Variants in LPIN1 observed in about 807,000 individuals in gnomAD.
LPIN1 encodes the protein lipin 1.
In LPIN1, 71 loss-of-function variants were observed where a neutral mutation model predicts 107.5. That is an observed-to-expected ratio of 0.66 (90% CI 0.55 to 0.80). The LOEUF (loss-of-function observed/expected upper bound fraction) is 0.80, where lower values mean the gene tolerates loss of function less well. Among genes scored for constraint, LPIN1 ranks in the 30% least tolerant of loss-of-function variants. The pLI is 0.00. For synonymous variants in LPIN1, 445 were observed against 452.6 expected, an observed-to-expected ratio of 0.98 and a Z score of 0.21; for missense variants, 1,043 against 1,160.6, an observed-to-expected ratio of 0.90 and a Z score of 1.47.
intron 1 of LPIN1, among the ~76,000 whole-genome samples, chr2:11,704,053 AG>A (rs1392800788): frequency 1.3e-5 from 2 of 152,234 alleles, no homozygotes; most frequent in Non-Finnish European, 2.9e-5. Context: ...AAAGCCTCTC[AG>A]GCTTGGCATC....
At chr2:11,798,297 G>A (rs73915571) in intron 14 of LPIN1, among the ~76,000 whole-genome samples, 75 of 152,302 alleles carry the variant, frequency 4.9e-4, no homozygotes, top group African/African-American at 1.7e-3. Flanking sequence ...GGGCCTGAGG[G>A]TCAGAGAGTT....
At chr2:11,698,412 C>T (rs958346181) in intron 1 of LPIN1, among the ~76,000 whole-genome samples, 1 of 152,156 alleles carries the variant, frequency 6.6e-6, no homozygotes, top group Admixed American at 6.5e-5. Context: ...ACGCCTCTTC[C>T]GGGAAACGTA....
rs1361148971 is a variant in LPIN1 at position 11,765,384 on chromosome 2, G to T, written c.-9-149G>T. On this transcript the variant is annotated intron_variant, in intron 1 of 20. Transcript: ENST00000674199. This position sits in a 1 kb window ranked among gnomAD's most constrained non-coding sequence, Gnocchi z 4.4. ...GCCCTGATGGACCCTGATGGGCTAT[G>T]GGGGTGGATAGAACACATTCCGGAA... The T allele has an allele frequency of 4.2e-6, 3 of 711,494 alleles. No homozygotes were observed. Among genetic ancestry groups the T allele is most frequent in the Middle Eastern group, 3.9e-4 (1 of 2,554 alleles). 44.1% of individuals were successfully genotyped at this position (711,494 alleles called of 1,614,324 possible).
At position 11,786,599 on chromosome 2, in the gene LPIN1, AC is replaced by A. The variant is rs1323959901; in HGVS notation, c.1550-474del. Among the ~76,000 whole-genome samples the A allele has an allele frequency of 1.3e-5, 2 of 152,184 alleles. No homozygotes were observed. The highest frequency in any genetic ancestry group is 3.9e-4 in the East Asian group (2 of 5,176). ...TGAAAGGGCCCTGTGCTTTCTATTT[AC>A]GACATTATCAGTCCCCATGACCACC... On this transcript the variant is annotated intron_variant, in intron 10 of 20. Transcript: ENST00000674199. The surrounding 1 kb of genome is among the most constrained non-coding windows in gnomAD (Gnocchi z 4.1).
chr2:11,800,612 G>A lies in LPIN1; in HGVS notation c.1887-2295G>A, dbSNP rs192553843. On this transcript the variant is annotated intron_variant, in intron 14 of 20. Transcript: ENST00000674199. ...TGTAGAGACAGGTTTTGCCATGTTG[G>A]TGAGGCTGGGGATCACTTCTTAAAT... Among the ~76,000 whole-genome samples, 327 of 152,214 alleles carry A rather than the reference G, an allele frequency of 2.1e-3. 2 individuals are homozygous for A. The highest frequency in any genetic ancestry group is 1.9e-3 in the Non-Finnish European group (127 of 68,012).
At chr2:11,814,141 C>T (rs1399479599) in intron 17 of LPIN1, among the ~76,000 whole-genome samples, 1 of 152,000 alleles carries the variant, frequency 6.6e-6, no homozygotes, top group Non-Finnish European at 1.5e-5. Flanking sequence ...AGGCGAGCTG[C>T]TGTGTCTGGG....
intron 2 of LPIN1, among the ~76,000 whole-genome samples, chr2:11,714,046 G>A (rs897695477): frequency 6.6e-6 from 1 of 152,196 alleles, no homozygotes; most frequent in African/African-American, 2.4e-5. Context: ...TTCCTGAGAT[G>A]AATCCTCCTC....
intron 13 of LPIN1, among the ~76,000 whole-genome samples, chr2:11,793,850 G>A (rs889986645): frequency 6.6e-6 from 1 of 152,214 alleles, no homozygotes; most frequent in Non-Finnish European, 1.5e-5. Context: ...TCATGAGGCA[G>A]AGACCATATA....
chr2:11,784,410 GC>G (rs1204784863), intron 9 of LPIN1: 3 of 1,112,252 alleles, frequency 2.7e-6, no homozygotes, highest in Non-Finnish European at 2.2e-6. Context: ...ACTGGGCGGC[GC>G]CCCACCTCTG....
At chr2:11,785,269 T>C (rs1427029620) in intron 10 of LPIN1, among the ~76,000 whole-genome samples, 193 bp downstream of exon 10, 1 of 152,212 alleles carries the variant, frequency 6.6e-6, no homozygotes, top group Non-Finnish European at 1.5e-5. Context: ...GTTCTGTGGG[T>C]CACCCATGGC....
At chr2:11,759,833 C>A (rs553784576) in intron 1 of LPIN1, among the ~76,000 whole-genome samples, 1 of 146,740 alleles carries the variant, frequency 6.8e-6, no homozygotes, top group East Asian at 2.1e-4. Flanking sequence ...ACCTCCCTCC[C>A]GGACGGGGCG....
At position 11,804,514 on chromosome 2, in the gene LPIN1, A is replaced by G. The variant is rs372697054; in HGVS notation, c.2105A>G (p.Tyr702Cys). 6 of 1,614,020 alleles carry G rather than the reference A, an allele frequency of 3.7e-6. No individual in the cohort carries two copies. The African/African-American group carries it at 4.0e-5, about 11-fold the overall frequency. ...QGTCRCEGTI[Y>C]LWNWDDKVII... ...ACGTGCCGCTGTGAGGGCACCATCT[A>G]TCTGTGGAACTGGGATGATAAAGTC... The change falls in exon 16 of 21, where the codon TAT becomes TGT. Residue 702 changes from tyrosine to cysteine, a missense_variant. Tyr to Cys is a radical substitution (Grantham distance 194, BLOSUM62 -2). Transcript: ENST00000674199.
intron 1 of LPIN1, among the ~76,000 whole-genome samples, chr2:11,693,244 G>A (rs73179363): frequency 0.13 from 18,700 of 148,676 alleles, 3,554 homozygotes; most frequent in African/African-American, 0.42. Context: ...CCTAGGTCCA[G>A]CTGAAATTTC....
chr2:11,709,352 C>T (rs886589916), intron 1 of LPIN1, among the ~76,000 whole-genome samples: 4 of 152,164 alleles, frequency 2.6e-5, no homozygotes, highest in African/African-American at 7.2e-5. Flanking sequence ...CTCGAGCCTC[C>T]GTTAGATGGA....
chr2:11,694,269 T>A (rs1662459332), intron 1 of LPIN1, among the ~76,000 whole-genome samples: 1 of 152,144 alleles, frequency 6.6e-6, no homozygotes, highest in African/African-American at 2.4e-5. Flanking sequence ...ACTCCAAGAA[T>A]GTGTGAAGAA....
intron 20 of LPIN1, 23 bp downstream of exon 20, chr2:11,820,537 G>A: frequency 2.0e-6 from 3 of 1,531,262 alleles, no homozygotes; most frequent in Non-Finnish European, 2.7e-6. Context: ...CACATTTTAT[G>A]TGATTATGAT....
In LPIN1 at chr2:11,812,742, G is replaced by T. The variant is rs547616547; in HGVS notation, c.2250-2346G>T. ...ACAGTGAAGGGTTTGGACGACGTCT[G>T]TGAGAGGTTGCAGCCTCAGGAGGGC... is the stretch of plus-strand genomic sequence containing the variant. On this transcript the variant is annotated intron_variant, in intron 17 of 20. Coordinates refer to ENST00000674199, the MANE Select transcript of LPIN1 (RefSeq NM_001349206.2). Among the ~76,000 whole-genome samples the T allele has an allele frequency of 3.3e-5, 5 of 152,320 alleles. No homozygotes were observed. In the South Asian group the frequency reaches 1.0e-3, roughly 32 times the overall value.
At chr2:11,685,742 C>T (rs942500861) in intron 1 of LPIN1, among the ~76,000 whole-genome samples, 1 of 152,174 alleles carries the variant, frequency 6.6e-6, no homozygotes, top group African/African-American at 2.4e-5. Context: ...GATTTCCCAT[C>T]GAGGAATGTG....
rs1468034036 is a variant in LPIN1 at position 11,765,670 on chromosome 2, C to T, written c.129C>T (p.Leu43=). 1.2e-6 allele frequency: 2 copies of T among 1,614,018 alleles called. No individual in the cohort carries two copies. The highest frequency in any genetic ancestry group is 1.3e-5 in the African/African-American group (1 of 75,038). Reference sequence around the variant, plus strand: ...TCATCCGCCAGCCCAATGGAAACCTCCAATGCTCCCCTTTCCACGTCCGCT... The same window carrying T: ...TCATCCGCCAGCCCAATGGAAACCTTCAATGCTCCCCTTTCCACGTCCGCT... ...IIVIRQPNGN[L]QCSPFHVRFG... is the part of the protein sequence containing the mutation. The change falls in exon 2 of 21, where the codon CTC becomes CTT. Residue 43 remains leucine, a synonymous_variant. Coordinates refer to ENST00000674199, the MANE Select transcript of LPIN1 (RefSeq NM_001349206.2). This position sits in a 1 kb window ranked among gnomAD's most constrained non-coding sequence, Gnocchi z 4.4.
Sources: gnomAD v4.1 joint callset for allele counts (sites outside exome capture counted in the v4.1 genomes callset) on GRCh38, gnomAD v4.1.1 for gene constraint, Gnocchi (gnomAD v3.1) non-coding constraint, MANE v1.5 for transcripts, NCBI Gene and HGNC (gene_info 2026-07-23, HGNC 2026-07-21) for gene names.